TRPS1: variants seen among roughly 807,000 people sequenced by gnomAD.
TRPS1 encodes transcriptional repressor GATA binding 1.
Under a neutral mutation model 101.2 loss-of-function variants are expected in TRPS1, and 6 were observed. That is an observed-to-expected ratio of 0.06 (90% CI 0.03 to 0.12). The LOEUF is 0.12. TRPS1 is among the 10% of genes least tolerant of loss of function. The pLI, the probability that TRPS1 is intolerant of heterozygous loss-of-function variation, is 1.00. For synonymous variants in TRPS1, 578 were observed against 589.8 expected, an observed-to-expected ratio of 0.98 and a Z score of 0.29; for missense variants, 1,363 against 1,567.0, an observed-to-expected ratio of 0.87 and a Z score of 2.20.
At position 115,412,640 on chromosome 8, in the gene TRPS1, G is replaced by T. The variant is rs1812816924; in HGVS notation, c.*1383C>A. ...TTGTAATATCTTCTACATCTCCGTG[G>T]CAAAAAATAAACTACTGGTTGGGAC... On this transcript the variant is annotated 3_prime_UTR_variant, in exon 7 of 7. Transcript: ENST00000395715. 6.6e-6 allele frequency: 1 copy of T among 152,376 alleles called. No individual in the cohort carries two copies. Among genetic ancestry groups the T allele is most frequent in the East Asian group, 1.9e-4 (1 of 5,154 alleles). The allele number at this position is 152,376 out of a possible 1,614,324, so 9.4% of individuals were successfully genotyped here.
At chr8:115,419,787 T>C (rs1220288036) in intron 5 of TRPS1, among the ~76,000 whole-genome samples, 5 of 152,168 alleles carry the variant, frequency 3.3e-5, no homozygotes, top group Non-Finnish European at 5.9e-5. Flanking sequence ...CAGTTCCCTA[T>C]AGGGTAATTT....
At chr8:115,523,809 T>C (rs1225792575) in intron 5 of TRPS1, among the ~76,000 whole-genome samples, 1 of 152,176 alleles carries the variant, frequency 6.6e-6, no homozygotes, top group Admixed American at 6.6e-5. Context: ...AGCCCATCAA[T>C]TGAGTGTCAG....
At chr8:115,529,945 T>C (rs1816091343) in intron 5 of TRPS1, among the ~76,000 whole-genome samples, 1 of 152,028 alleles carries the variant, frequency 6.6e-6, no homozygotes, top group African/African-American at 2.4e-5. Context: ...TTTACAAAAT[T>C]AAAATGGCAG....
intron 5 of TRPS1, among the ~76,000 whole-genome samples, chr8:115,433,337 G>C (rs77533707): frequency 6.6e-6 from 1 of 151,750 alleles, no homozygotes; most frequent in African/African-American, 2.4e-5. Flanking sequence ...AATTCTCTAA[G>C]TTTCTTACAG....
intron 4 of TRPS1, among the ~76,000 whole-genome samples, chr8:115,588,613 C>T (rs982808103): frequency 6.6e-6 from 1 of 151,984 alleles, no homozygotes; most frequent in Admixed American, 6.5e-5. Context: ...AAAGCATACC[C>T]GAAAGATACA....
intron 1 of TRPS1, among the ~76,000 whole-genome samples, chr8:115,650,800 G>C (rs1811541595): frequency 6.6e-6 from 1 of 152,152 alleles, no homozygotes; most frequent in South Asian, 2.1e-4. Context: ...TGAGCAAAGA[G>C]GAATCCAATA....
intron 5 of TRPS1, among the ~76,000 whole-genome samples, chr8:115,514,629 T>G (rs1363563260): frequency 6.6e-6 from 1 of 151,638 alleles, no homozygotes; most frequent in Non-Finnish European, 1.5e-5. Context: ...AAGCCTTCCA[T>G]GCAAAAGATA....
intron 6 of TRPS1, among the ~76,000 whole-genome samples, chr8:115,415,321 A>C (rs1812892723): frequency 6.6e-6 from 1 of 152,168 alleles, no homozygotes; most frequent in South Asian, 2.1e-4. Flanking sequence ...GAAAACTTTA[A>C]TCTACTTGAA....
At chr8:115,476,687 T>C (rs1159767511) in intron 5 of TRPS1, among the ~76,000 whole-genome samples, 10 of 152,220 alleles carry the variant, frequency 6.6e-5, no homozygotes, top group African/African-American at 1.7e-4. Context: ...TCTTGGTTTA[T>C]ATAGACTTTG....
chr8:115,527,120 G>C (rs1345045288), intron 5 of TRPS1, among the ~76,000 whole-genome samples: 1 of 152,030 alleles, frequency 6.6e-6, no homozygotes, highest in African/African-American at 2.4e-5. Context: ...ATGGCTTCAA[G>C]AATTTGATAA....
chr8:115,606,202 G>C (rs1485647216), intron 3 of TRPS1, among the ~76,000 whole-genome samples: 1 of 152,120 alleles, frequency 6.6e-6, no homozygotes, highest in Non-Finnish European at 1.5e-5. Context: ...TATTTGAAAT[G>C]CAAATAATAT....
chr8:115,452,409 T>C (rs951833910), intron 5 of TRPS1, among the ~76,000 whole-genome samples: 5 of 152,210 alleles, frequency 3.3e-5, no homozygotes, highest in African/African-American at 7.2e-5. Context: ...TTTACTGGTA[T>C]CTTTTCACCA....
intron 5 of TRPS1, among the ~76,000 whole-genome samples, chr8:115,508,783 T>TTTTTGC (rs1450139291): frequency 6.6e-6 from 1 of 151,984 alleles, no homozygotes; most frequent in Non-Finnish European, 1.5e-5. Flanking sequence ...CTTTCTAGAA[T>TTTTTGC]TTTTGCTCAC....
intron 5 of TRPS1, among the ~76,000 whole-genome samples, chr8:115,421,657 A>G (rs572275091): frequency 1.3e-5 from 2 of 152,342 alleles, no homozygotes; most frequent in Non-Finnish European, 2.9e-5. Context: ...AAACAAATTT[A>G]GTACTTTGGT....
chr8:115,626,041 C>T (rs1818501048), intron 1 of TRPS1, among the ~76,000 whole-genome samples: 1 of 151,650 alleles, frequency 6.6e-6, no homozygotes, highest in African/African-American at 2.4e-5. Flanking sequence ...TACACATCAG[C>T]ATAAGAGTAC....
chr8:115,500,904 C>A (rs1224501393), intron 5 of TRPS1, among the ~76,000 whole-genome samples: 1 of 152,112 alleles, frequency 6.6e-6, no homozygotes, highest in African/African-American at 2.4e-5. Flanking sequence ...TATAGTCCAG[C>A]GATGGCATCT....
chr8:115,450,152 C>T (rs1187604810), intron 5 of TRPS1, among the ~76,000 whole-genome samples: 1 of 152,166 alleles, frequency 6.6e-6, no homozygotes, highest in African/African-American at 2.4e-5. Context: ...AAGTACTATT[C>T]CAGAGTTTTC....
intron 5 of TRPS1, among the ~76,000 whole-genome samples, chr8:115,575,757 A>C (rs1216555231): frequency 6.6e-6 from 1 of 152,148 alleles, no homozygotes; most frequent in Non-Finnish European, 1.5e-5. Flanking sequence ...TCTCTGAAGG[A>C]ACATAAAGAA....
At chr8:115,535,358 A>G (rs1290788943) in intron 5 of TRPS1, among the ~76,000 whole-genome samples, 1 of 148,084 alleles carries the variant, frequency 6.8e-6, no homozygotes, top group African/African-American at 2.5e-5. Context: ...GCATATACAT[A>G]GCACATATAT....
Sources: allele counts gnomAD v4.1 joint callset (sites outside exome capture counted in the v4.1 genomes callset), GRCh38; gene constraint gnomAD v4.1.1; transcripts MANE v1.5; gene names NCBI Gene and HGNC (gene_info 2026-07-23, HGNC 2026-07-21).